Variants in PLEKHH2 observed in about 807,000 individuals in gnomAD.
PLEKHH2 encodes pleckstrin homology, MyTH4 and FERM domain containing H2.
Under a neutral mutation model 187.9 loss-of-function variants are expected in PLEKHH2, and 129 were observed. The ratio of observed to expected loss-of-function variants is 0.69; its 90% CI spans 0.59 to 0.79. PLEKHH2 has a LOEUF of 0.79. PLEKHH2 is among the 30% of genes least tolerant of loss of function. The probability of loss-of-function intolerance (pLI) is 0.00; values close to 1 mark genes in which losing one functional copy is unlikely to be tolerated. For synonymous variants in PLEKHH2, 686 were observed against 605.6 expected (o/e 1.13, Z -1.95); for missense variants, 2,076 against 1,751.2 (o/e 1.19, Z -3.31).
intron 6 of PLEKHH2, among the ~76,000 whole-genome samples, chr2:43,696,011 G>T (rs1270234591): frequency 6.6e-6 from 1 of 152,136 alleles, no homozygotes; most frequent in Admixed American, 6.5e-5. Context: ...TTCGTTCATG[G>T]ATCACCAGTG....
Position 43,692,683 on chromosome 2 carries a change from A to C in PLEKHH2, c.336+20A>C. Reference sequence around the variant, plus strand: ...GAGCAGGTTAGGAAGAATTTGATAAAGAGTTCTAAGTGTGTGCACTCATTT... The same window carrying C: ...GAGCAGGTTAGGAAGAATTTGATAACGAGTTCTAAGTGTGTGCACTCATTT... On this transcript the variant is annotated intron_variant, in intron 4 of 29. Transcript: ENST00000282406. The C allele has an allele frequency of 1.2e-6, 2 of 1,607,108 alleles. No individual in the cohort carries two copies. Among genetic ancestry groups the C allele is most frequent in the Non-Finnish European group, 1.7e-6 (2 of 1,175,264 alleles).
At chr2:43,761,187 T>C (rs1326965358) in intron 27 of PLEKHH2, among the ~76,000 whole-genome samples, 1 of 152,152 alleles carries the variant, frequency 6.6e-6, no homozygotes, top group Non-Finnish European at 1.5e-5. Flanking sequence ...TAACCCAACA[T>C]TCATTCCAGT....
At chr2:43,740,912 T>C in intron 20 of PLEKHH2, 34 bp from the exon 21 acceptor site, 1 of 1,607,424 alleles carries the variant, frequency 6.2e-7, no homozygotes, top group South Asian at 1.1e-5. Context: ...GACTGGCACG[T>C]GGTATCTAAC....
chr2:43,711,938 G>A (rs1308009562), intron 14 of PLEKHH2: 3 of 1,083,444 alleles, frequency 2.8e-6, no homozygotes, highest in East Asian at 7.6e-5. Context: ...ACACATTTAA[G>A]CAAGAAAGGG....
chr2:43,762,479 A>G, intron 28 of PLEKHH2, 89 bp downstream of exon 28: 1 of 1,003,084 alleles, frequency 1.0e-6, no homozygotes, highest in Non-Finnish European at 1.5e-6. Flanking sequence ...TCTTAATCTG[A>G]TTTTTCTCTT....
At chr2:43,666,261 T>C (rs1044775619) in intron 2 of PLEKHH2, among the ~76,000 whole-genome samples, 18 of 151,086 alleles carry the variant, frequency 1.2e-4, no homozygotes, top group African/African-American at 4.2e-4. Flanking sequence ...CACCCCTTTC[T>C]TTGACTCGGA....
intron 2 of PLEKHH2, 83 bp downstream of exon 2, chr2:43,644,879 G>A (rs2104327751): frequency 7.3e-7 from 1 of 1,364,432 alleles, no homozygotes; most frequent in Admixed American, 2.5e-5. Context: ...TCAGTACTTT[G>A]GGGGTTTGAT....
At chr2:43,687,935 C>G (rs888265728) in intron 3 of PLEKHH2, among the ~76,000 whole-genome samples, 2 of 151,954 alleles carry the variant, frequency 1.3e-5, no homozygotes, top group Non-Finnish European at 2.9e-5. Context: ...TAGCTGGGAC[C>G]ACAGGCATAT....
At chr2:43,696,390 A>G (rs1448803876) in intron 6 of PLEKHH2, among the ~76,000 whole-genome samples, 2 of 149,918 alleles carry the variant, frequency 1.3e-5, no homozygotes, top group East Asian at 4.0e-4. Context: ...TAGGGAGGTG[A>G]GGTGGGAGGA....
At chr2:43,692,481 A>G in intron 3 of PLEKHH2, 33 bp from the exon 4 acceptor site, 3 of 1,511,438 alleles carry the variant, frequency 2.0e-6, no homozygotes, top group Non-Finnish European at 2.7e-6. Flanking sequence ...CTGAGTACAC[A>G]CACAATTTTA....
At position 43,764,276 on chromosome 2, in the gene PLEKHH2, T is replaced by C. The variant is rs1672539146; in HGVS notation, c.4207T>C (p.Tyr1403His). The C allele has an allele frequency of 6.3e-7, 1 of 1,590,296 alleles. No homozygotes were observed. Among genetic ancestry groups the C allele is most frequent in the Non-Finnish European group, 8.6e-7 (1 of 1,166,014 alleles). The change falls in exon 29 of 30, where the codon TAT becomes CAT. Residue 1403 changes from tyrosine to histidine, a missense_variant. Tyr to His is a moderately conservative substitution (Grantham distance 83, BLOSUM62 2). Coordinates refer to ENST00000282406, the MANE Select transcript of PLEKHH2 (RefSeq NM_172069.4). ...CAAGAGTCTAATGACCTTTGGAGGC[T>C]ATCAAGATGATTTTATGGTAGTCAT... ...VYKSLMTFGG[Y>H]QDDFMVVINN...
At chr2:43,645,942 T>C (rs1223638394) in intron 2 of PLEKHH2, among the ~76,000 whole-genome samples, 1 of 152,178 alleles carries the variant, frequency 6.6e-6, no homozygotes, top group South Asian at 2.1e-4. Context: ...AATCTTCCTT[T>C]CATTGCTAGC....
At chr2:43,692,809 G>T in intron 4 of PLEKHH2, 146 bp downstream of exon 4, 1 of 887,178 alleles carries the variant, frequency 1.1e-6, no homozygotes, top group South Asian at 1.7e-5. Flanking sequence ...CACATTTATT[G>T]GTGAAAGGTG....
intron 19 of PLEKHH2, among the ~76,000 whole-genome samples, chr2:43,736,936 G>A (rs976911582): frequency 1.3e-5 from 2 of 152,146 alleles, no homozygotes; most frequent in Admixed American, 6.6e-5. Context: ...ATGTGTGTAT[G>A]TGCGGAAAGT....
chr2:43,756,231 G>A (rs1243955632), intron 25 of PLEKHH2, among the ~76,000 whole-genome samples: 4 of 152,094 alleles, frequency 2.6e-5, no homozygotes, highest in Non-Finnish European at 5.9e-5. Flanking sequence ...TGAGAATATG[G>A]TTCTTGCTCC....
At chr2:43,722,879 A>T (rs1427664594) in intron 16 of PLEKHH2, among the ~76,000 whole-genome samples, 1 of 152,256 alleles carries the variant, frequency 6.6e-6, no homozygotes. Flanking sequence ...ACAGAAATCC[A>T]TTATAACAAC....
chr2:43,730,490 C>T (rs753514263), intron 18 of PLEKHH2, among the ~76,000 whole-genome samples: 1 of 152,200 alleles, frequency 6.6e-6, no homozygotes, highest in Non-Finnish European at 1.5e-5. Flanking sequence ...CCTCTGCCTC[C>T]TGGGCTCAAG....
chr2:43,743,919 C>T lies in PLEKHH2; in HGVS notation c.3485C>T (p.Ser1162Phe), dbSNP rs1477900995. ...ACAGGAATGAGGAAACCAGCGCAGT[C>T]TGGATTTGCGTTGTTCACTGACGAT... is the stretch of plus-strand genomic sequence containing the variant. ...QDTGMRKPAQSGFALFTDDPS... is the reference protein window; with the variant it reads ...QDTGMRKPAQFGFALFTDDPS... The change falls in exon 23 of 30, where the codon TCT becomes TTT. Residue 1162 changes from serine (S) to phenylalanine (F), a missense_variant. Physicochemically the swap from Ser to Phe is radical, Grantham distance 155. Transcript: ENST00000282406. The T allele has an allele frequency of 8.7e-6, 14 of 1,614,090 alleles. No individual in the cohort carries two copies. Among genetic ancestry groups the T allele is most frequent in the Non-Finnish European group, 1.1e-5 (13 of 1,179,950 alleles).
chr2:43,710,840 AT>A, intron 14 of PLEKHH2: 3 of 1,214,544 alleles, frequency 2.5e-6, no homozygotes, highest in Non-Finnish European at 3.1e-6. Flanking sequence ...TCTCCTAGGT[AT>A]TTTCAGCTGT....
Sources: allele counts gnomAD v4.1 joint callset (sites outside exome capture counted in the v4.1 genomes callset), GRCh38; gene constraint gnomAD v4.1.1; transcripts MANE v1.5; gene names NCBI Gene and HGNC (gene_info 2026-07-23, HGNC 2026-07-21).